The following CA10 variants were observed in gnomAD, a reference collection of about 807,000 sequenced individuals.
CA10 encodes carbonic anhydrase 10 (inactive).
In CA10, 14 loss-of-function variants were observed where a neutral mutation model predicts 44.2. That is an observed-to-expected ratio of 0.32 (90% CI 0.21 to 0.50). The LOEUF is 0.50. Among genes scored for constraint, CA10 ranks in the 20% least tolerant of loss-of-function variants. The pLI is 0.99. For synonymous variants in CA10, 159 were observed against 141.6 expected (o/e 1.12, Z -0.87); for missense variants, 350 against 409.7 (o/e 0.85, Z 1.26).
At chr17:51,797,686 T>C (rs2143709864) in intron 3 of CA10, among the ~76,000 whole-genome samples, 1 of 152,026 alleles carries the variant, frequency 6.6e-6, no homozygotes, top group Admixed American at 6.5e-5. Context: ...AAACCCCATC[T>C]CTATTAAAAA....
At chr17:51,808,857 C>A (rs1907243019) in intron 3 of CA10, among the ~76,000 whole-genome samples, 1 of 151,866 alleles carries the variant, frequency 6.6e-6, no homozygotes, top group Non-Finnish European at 1.5e-5. Flanking sequence ...TCTGTATTTC[C>A]CAAATTTACT....
chr17:51,945,546 C>T (rs906232517), intron 2 of CA10, among the ~76,000 whole-genome samples: 1 of 152,074 alleles, frequency 6.6e-6, no homozygotes, highest in South Asian at 2.1e-4. Context: ...CCAGGTAAGC[C>T]GATGTCAGCT....
chr17:51,862,058 T>C (rs1463811590), intron 3 of CA10, among the ~76,000 whole-genome samples: 2 of 152,208 alleles, frequency 1.3e-5, no homozygotes, highest in African/African-American at 4.8e-5. Flanking sequence ...TAGAACCAGA[T>C]ACAACAGCCA....
chr17:52,062,434 A>G (rs549112455), intron 2 of CA10, among the ~76,000 whole-genome samples: 1 of 152,198 alleles, frequency 6.6e-6, no homozygotes, highest in Non-Finnish European at 1.5e-5. Context: ...AGAGATTAAA[A>G]TGGATAAAAG....
At chr17:51,753,814 T>C (rs1224986447) in intron 3 of CA10, among the ~76,000 whole-genome samples, 2 of 152,188 alleles carry the variant, frequency 1.3e-5, no homozygotes, top group Non-Finnish European at 2.9e-5. Flanking sequence ...GCCTGTGCTT[T>C]TAACCACTGG....
At chr17:51,849,690 A>G (rs1417652903) in intron 3 of CA10, among the ~76,000 whole-genome samples, 1 of 152,112 alleles carries the variant, frequency 6.6e-6, no homozygotes, top group African/African-American at 2.4e-5. Context: ...AACTTGGTGG[A>G]TGTGCATTTC....
chr17:51,953,665 T>A (rs1983566784), intron 2 of CA10, among the ~76,000 whole-genome samples: 1 of 152,104 alleles, frequency 6.6e-6, no homozygotes, highest in Non-Finnish European at 1.5e-5. Context: ...CTGTGTATAT[T>A]TATAGTGTAC....
intron 4 of CA10, among the ~76,000 whole-genome samples, chr17:51,680,523 TTGGAAGCCAG>T (rs1914809001): frequency 6.6e-6 from 1 of 152,156 alleles, no homozygotes; most frequent in Admixed American, 6.5e-5. Context: ...GGGTGAGCAT[TTGGAAGCCAG>T]TGGTTCTCAA....
At chr17:52,108,583 C>G (rs1425536621) in intron 1 of CA10, among the ~76,000 whole-genome samples, 1 of 151,346 alleles carries the variant, frequency 6.6e-6, no homozygotes, top group African/African-American at 2.4e-5. Context: ...GCCTGTAATC[C>G]CAGTTACTTA....
intron 2 of CA10, among the ~76,000 whole-genome samples, chr17:52,026,273 G>C (rs1986298095): frequency 6.6e-6 from 1 of 152,168 alleles, no homozygotes; most frequent in Non-Finnish European, 1.5e-5. Flanking sequence ...ATGTGCACTA[G>C]AGTAAAATTA....
chr17:51,918,167 G>A (rs11653979), intron 3 of CA10, among the ~76,000 whole-genome samples: 6,236 of 152,202 alleles, frequency 0.041, 210 homozygotes, highest in Middle Eastern at 0.11. Context: ...ACCTAGCAAC[G>A]ATGCATTAAA....
At chr17:51,833,973 T>C (rs1357393861) in intron 3 of CA10, among the ~76,000 whole-genome samples, 2 of 152,244 alleles carry the variant, frequency 1.3e-5, no homozygotes, top group African/African-American at 4.8e-5. Flanking sequence ...GAAAGAATAG[T>C]CATGGTACGA....
intron 3 of CA10, among the ~76,000 whole-genome samples, chr17:51,798,078 C>T (rs1906784977): frequency 1.3e-5 from 2 of 152,080 alleles, no homozygotes; most frequent in Admixed American, 1.3e-4. Context: ...TAAATGCCTT[C>T]ACCTCTTTTG....
rs1024156456 is a variant in CA10 at position 52,158,647 on chromosome 17, C to G, written c.-861G>C. ...CTCCTCTGCTATTTTCCTGAACTCC[C>G]CAGAACCCCCAGTTGCCTGGCTTCC... On this transcript the variant is annotated 5_prime_UTR_variant, in exon 1 of 9. Coordinates refer to ENST00000451037, the MANE Select transcript of CA10 (RefSeq NM_020178.5). 22 of 152,702 alleles carry G rather than the reference C, an allele frequency of 1.4e-4. No homozygotes were observed. The highest frequency in any genetic ancestry group is 5.3e-4 in the African/African-American group (22 of 41,470). The allele number at this position is 152,702 out of a possible 1,614,324, so 9.5% of individuals were successfully genotyped here. A position where few individuals can be genotyped will look rare whatever the true frequency, so the allele number is the denominator to read the frequency against.
intron 1 of CA10, chr17:52,134,915 G>A (rs371721714): frequency 1.2e-5 from 6 of 518,834 alleles, no homozygotes; most frequent in African/African-American, 1.2e-4. Context: ...AGTTCATCAG[G>A]CTCTGTGAAT....
chr17:52,120,260 C>T (rs1316999327), intron 1 of CA10, among the ~76,000 whole-genome samples: 1 of 152,100 alleles, frequency 6.6e-6, no homozygotes, highest in East Asian at 1.9e-4. Flanking sequence ...CATCAAACTC[C>T]AAATACTCCA....
At chr17:51,753,090 T>C (rs1439907453) in intron 3 of CA10, among the ~76,000 whole-genome samples, 1 of 152,144 alleles carries the variant, frequency 6.6e-6, no homozygotes, top group Non-Finnish European at 1.5e-5. Context: ...CTGAAGTTCA[T>C]CCCAGGAGGA....
intron 3 of CA10, among the ~76,000 whole-genome samples, chr17:51,882,321 T>C (rs1980412847): frequency 1.3e-5 from 2 of 152,096 alleles, no homozygotes; most frequent in African/African-American, 4.8e-5. Context: ...TTTTCATTTT[T>C]CCCAGTTAAT....
chr17:51,756,506 G>T (rs113597850), intron 3 of CA10, among the ~76,000 whole-genome samples: 2,679 of 141,102 alleles, frequency 0.019, 105 homozygotes, highest in African/African-American at 0.069. Context: ...TTGCTCTGTC[G>T]CCCAGGATGG....
Sources: gnomAD v4.1 joint callset for allele counts (sites outside exome capture counted in the v4.1 genomes callset) on GRCh38, gnomAD v4.1.1 for gene constraint, MANE v1.5 for transcripts, NCBI Gene and HGNC (gene_info 2026-07-23, HGNC 2026-07-21) for gene names.